The following CELF4 variants were observed in gnomAD, a reference collection of about 807,000 sequenced individuals.
CELF4 encodes the protein CUGBP Elav-like family member 4, also known as CUG-BP- and ETR-3-like factor 4.
In CELF4, 18 loss-of-function variants were observed where a neutral mutation model predicts 59.9. The observed-to-expected ratio is 0.30, with a 90% CI of 0.21 to 0.45. The LOEUF (loss-of-function observed/expected upper bound fraction) is 0.45. CELF4 is among the 20% of genes least tolerant of loss of function. CELF4 has a pLI of 1.00. For synonymous variants in CELF4, 261 were observed against 267.1 expected (o/e 0.98, Z 0.22); for missense variants, 456 against 689.0 (o/e 0.66, Z 3.79).
chr18:37,441,831 C>A (rs1203410237), intron 2 of CELF4, among the ~76,000 whole-genome samples: 1 of 152,134 alleles, frequency 6.6e-6, no homozygotes, highest in African/African-American at 2.4e-5. Flanking sequence ...AGGAAGTCCT[C>A]CTGACGACTG....
chr18:37,452,621 C>T (rs1412471754), intron 2 of CELF4, among the ~76,000 whole-genome samples: 3 of 152,116 alleles, frequency 2.0e-5, no homozygotes, highest in Non-Finnish European at 4.4e-5. Context: ...TGCATCAGAG[C>T]ACCACCCCAC....
At chr18:37,450,813 GCATAA>G (rs1261087473) in intron 2 of CELF4, among the ~76,000 whole-genome samples, 2 of 152,128 alleles carry the variant, frequency 1.3e-5, no homozygotes, top group Non-Finnish European at 2.9e-5. Flanking sequence ...CCTGGGTCCA[GCATAA>G]CAATGCACAG....
At chr18:37,291,029 C>T (rs529152737) in intron 3 of CELF4, among the ~76,000 whole-genome samples, 23 of 152,342 alleles carry the variant, frequency 1.5e-4, no homozygotes, top group African/African-American at 5.5e-4. Context: ...CCTGCCTCAG[C>T]CTCTTGAGTA....
At chr18:37,335,174 G>T (rs891522989) in intron 2 of CELF4, among the ~76,000 whole-genome samples, 1 of 151,958 alleles carries the variant, frequency 6.6e-6, no homozygotes, top group African/African-American at 2.4e-5. Flanking sequence ...GACAACAGCC[G>T]CGCACCGCCA....
intron 2 of CELF4, among the ~76,000 whole-genome samples, chr18:37,414,881 G>A (rs947909989): frequency 1.3e-5 from 2 of 151,700 alleles, no homozygotes; most frequent in African/African-American, 2.4e-5. Flanking sequence ...ATCCACCACC[G>A]ATCCACCCAC....
At chr18:37,289,361 C>T (rs1286031555) in intron 3 of CELF4, among the ~76,000 whole-genome samples, 2 of 151,990 alleles carry the variant, frequency 1.3e-5, no homozygotes, top group Non-Finnish European at 2.9e-5. Context: ...CAAAGAGCTT[C>T]GTTACTCAGC....
intron 2 of CELF4, among the ~76,000 whole-genome samples, chr18:37,412,864 ATG>A (rs1350956017): frequency 6.6e-6 from 1 of 151,762 alleles, no homozygotes; most frequent in Non-Finnish European, 1.5e-5. Context: ...CCCCGCGCCA[ATG>A]TGTGTGAGGT....
At chr18:37,328,140 C>T (rs1465028561) in intron 2 of CELF4, among the ~76,000 whole-genome samples, 2 of 152,230 alleles carry the variant, frequency 1.3e-5, no homozygotes, top group African/African-American at 4.8e-5. Context: ...GAGGCAGCCT[C>T]AGGACTGTGC....
chr18:37,411,991 T>A (rs1014532642), intron 2 of CELF4, among the ~76,000 whole-genome samples: 41 of 152,234 alleles, frequency 2.7e-4, no homozygotes, highest in African/African-American at 9.9e-4. Context: ...ATGGAGCAGA[T>A]CCTGACCACT....
intron 1 of CELF4, among the ~76,000 whole-genome samples, chr18:37,501,445 T>A (rs1223438477): frequency 1.3e-5 from 2 of 152,170 alleles, no homozygotes; most frequent in Non-Finnish European, 2.9e-5. Context: ...CTCCATTCCA[T>A]CATTAAGTGT....
chr18:37,401,369 G>T (rs1165367198), intron 2 of CELF4, among the ~76,000 whole-genome samples: 1 of 152,178 alleles, frequency 6.6e-6, no homozygotes, highest in Non-Finnish European at 1.5e-5. Flanking sequence ...CCTGTCCTGG[G>T]CTCCTGATGA....
At chr18:37,564,186 G>A (rs970693120) in intron 1 of CELF4, among the ~76,000 whole-genome samples, 14 of 152,112 alleles carry the variant, frequency 9.2e-5, no homozygotes, top group African/African-American at 3.4e-4. Flanking sequence ...TTAGCCCCGT[G>A]CTCCTTCCCT....
intron 1 of CELF4, among the ~76,000 whole-genome samples, chr18:37,502,149 A>G (rs1008271034): frequency 3.3e-5 from 5 of 151,802 alleles, no homozygotes; most frequent in Middle Eastern, 3.2e-3. Context: ...CTGGAATTGG[A>G]TTTGATGTAG....
intron 1 of CELF4, among the ~76,000 whole-genome samples, chr18:37,497,371 G>A (rs1411427802): frequency 1.3e-5 from 2 of 152,160 alleles, no homozygotes; most frequent in East Asian, 3.9e-4. Context: ...GAGACAATTG[G>A]TGCTGGGTGT....
intron 2 of CELF4, among the ~76,000 whole-genome samples, chr18:37,414,191 C>CATCTATCTATCT (rs59869024): frequency 7.5e-4 from 111 of 148,200 alleles, no homozygotes; most frequent in South Asian, 1.6e-3. Context: ...TCCATTCATT[C>CATCTATCTATCT]ATCTATCTAT....
chr18:37,345,937 G>A (rs995590538), intron 2 of CELF4, among the ~76,000 whole-genome samples: 6 of 152,124 alleles, frequency 3.9e-5, no homozygotes, highest in African/African-American at 7.2e-5. Context: ...CCTGGCCCCC[G>A]GAGCCCCCAG....
chr18:37,369,782 CAGCCA>C (rs1232772139), intron 2 of CELF4, among the ~76,000 whole-genome samples: 1 of 152,232 alleles, frequency 6.6e-6, no homozygotes, highest in African/African-American at 2.4e-5. Context: ...CTTTCTGTTC[CAGCCA>C]GGCCAGGCCA....
intron 2 of CELF4, among the ~76,000 whole-genome samples, chr18:37,447,235 T>C (rs1443427657): frequency 2.0e-5 from 3 of 152,208 alleles, no homozygotes; most frequent in African/African-American, 7.2e-5. Flanking sequence ...GGCATCCAAA[T>C]TCATGTGATC....
chr18:37,375,905 G>A (rs1056607939), intron 2 of CELF4, among the ~76,000 whole-genome samples: 2 of 152,142 alleles, frequency 1.3e-5, no homozygotes, highest in Non-Finnish European at 2.9e-5. Flanking sequence ...CTCCCCATGG[G>A]CTGGAGGAGG....
Sources: allele counts gnomAD v4.1 joint callset (sites outside exome capture counted in the v4.1 genomes callset), GRCh38; gene constraint gnomAD v4.1.1; transcripts MANE v1.5; gene names NCBI Gene and HGNC (gene_info 2026-07-23, HGNC 2026-07-21).